CALY: variants seen among roughly 807,000 people sequenced by gnomAD.
The protein encoded by CALY is calcyon neuron specific vesicular protein.
CALY carries 15 observed loss-of-function variants against 20.2 expected under a neutral mutation model. That is an observed-to-expected ratio of 0.74 (90% CI 0.50 to 1.14). The LOEUF (loss-of-function observed/expected upper bound fraction) is 1.14, where lower values mean the gene tolerates loss of function less well. Ranked by LOEUF, CALY falls within the 50% of genes most tolerant of loss-of-function variation. CALY has a pLI of 0.00. For synonymous variants in CALY, 129 were observed against 131.8 expected (o/e 0.98, Z 0.15); for missense variants, 270 against 304.4 (o/e 0.89, Z 0.84).
chr10:133,336,775 C>A (rs941540632), intron 1 of CALY, 59 bp downstream of exon 1: 1 of 153,316 alleles, frequency 6.5e-6, no homozygotes, highest in South Asian at 1.9e-4. Context: ...GCGCCTCGCA[C>A]CCCCGCACCC....
intron 4 of CALY, 105 bp downstream of exon 4, chr10:133,326,773 G>T (rs1050188315): frequency 5.3e-5 from 37 of 702,680 alleles, no homozygotes; most frequent in Non-Finnish European, 8.0e-5. Context: ...TGGCTTTGGA[G>T]ACCACGTTCC....
At chr10:133,326,279 C>T (rs1848208562) in intron 4 of CALY, 159 bp from the exon 5 acceptor site, 1 of 1,550,398 alleles carries the variant, frequency 6.4e-7, no homozygotes, top group Non-Finnish European at 8.7e-7. Flanking sequence ...GAACTCAGGG[C>T]CCTGGAGGGG....
chr10:133,325,756 A>T, intron 5 of CALY, 43 bp downstream of exon 5: 1 of 901,692 alleles, frequency 1.1e-6, no homozygotes, highest in Non-Finnish European at 1.4e-6. Flanking sequence ...GGCCAGGAAG[A>T]GACCTGGGCA....
At chr10:133,332,239 C>A (rs534318922) in intron 1 of CALY, among the ~76,000 whole-genome samples, 1 of 152,164 alleles carries the variant, frequency 6.6e-6, no homozygotes, top group Non-Finnish European at 1.5e-5. Flanking sequence ...AAAAGTCCCA[C>A]GTGACACACT....
intron 1 of CALY, among the ~76,000 whole-genome samples, chr10:133,335,624 A>AC (rs944251546): frequency 7.9e-5 from 12 of 151,366 alleles, no homozygotes; most frequent in African/African-American, 1.7e-4. Flanking sequence ...GTGGGGTCCA[A>AC]CCCCCCCACC....
At chr10:133,336,671 C>T (rs1239498773) in intron 1 of CALY, among the ~76,000 whole-genome samples, 163 bp downstream of exon 1, 5 of 152,146 alleles carry the variant, frequency 3.3e-5, no homozygotes, top group Non-Finnish European at 7.4e-5. Flanking sequence ...CCCGCACACG[C>T]GCCTCGCACA....
In CALY at chr10:133,326,005, G is replaced by A. The variant is rs1322187336; in HGVS notation, c.476C>T (p.Thr159Met). 2 of 1,575,776 alleles carry A rather than the reference G, an allele frequency of 1.3e-6. No homozygotes were observed. The highest frequency in any genetic ancestry group is 3.6e-5 in the Admixed American group (2 of 55,216). The part of the protein sequence containing the change: ...GAYPLSRKHG[T>M]ETPAAWGDGY... Reference sequence around the variant, plus strand: ...GTCCCCCCAGGCCGCCGGCGTCTCCGTGCCGTGCTTGCGGCTCAGCGGGTA... The same window carrying A: ...GTCCCCCCAGGCCGCCGGCGTCTCCATGCCGTGCTTGCGGCTCAGCGGGTA... Residue 159 changes from threonine to methionine, a missense_variant, in exon 5 of 6, where the codon ACG becomes ATG. Transcript: ENST00000252939.
intron 1 of CALY, among the ~76,000 whole-genome samples, chr10:133,334,536 C>G (rs1447098345): frequency 5.0e-5 from 3 of 60,036 alleles, no homozygotes; most frequent in Non-Finnish European, 9.3e-5. Flanking sequence ...GGGGAAGGCT[C>G]TGAGGGGGGA....
At chr10:133,327,647 C>T (rs746366307) in intron 3 of CALY, 12 of 611,328 alleles carry the variant, frequency 2.0e-5, no homozygotes, top group South Asian at 3.8e-5. Flanking sequence ...GCAGCACTCG[C>T]GGGCACTTCC....
chr10:133,333,691 G>A lies in CALY; in HGVS notation c.-21+3143C>T, dbSNP rs112098721. ...AGATCTGAGAGTGGAAGGCTCTGAG[G>A]GGGAAAGAAAGATCTGAGAGTGGAA... On this transcript the variant is annotated intron_variant, in intron 1 of 5. Transcript: ENST00000252939. Among the ~76,000 whole-genome samples the A allele has an allele frequency of 4.7e-4, 18 of 38,188 alleles. 1 individual carries two copies. Among genetic ancestry groups the A allele is most frequent in the African/African-American group, 1.7e-3 (18 of 10,766 alleles). 25.1% of individuals were successfully genotyped at this position (38,188 alleles called of 152,430 possible).
intron 2 of CALY, among the ~76,000 whole-genome samples, chr10:133,328,551 G>T (rs1441993929): frequency 6.6e-6 from 1 of 152,242 alleles, no homozygotes; most frequent in Non-Finnish European, 1.5e-5. Flanking sequence ...GCCCCGAGGG[G>T]AAGGGTGGGA....
rs753114856 is a variant in CALY at position 133,328,796 on chromosome 10, A to C, written c.135+59T>G. ...GCCATATCTAGACAAACCTCACCCC[A>C]CACCCCTTTGTTCCCAGGGGAGCCT... On this transcript the variant is annotated intron_variant, in intron 2 of 5. Transcript: ENST00000252939. The C allele has an allele frequency of 7.3e-4, 1,085 of 1,485,694 alleles. 1 individual carries two copies. The highest frequency in any genetic ancestry group is 9.2e-4 in the Non-Finnish European group (1,027 of 1,113,964). The allele number at this position is 1,485,694 out of a possible 1,614,324, so 92.0% of individuals were successfully genotyped here.
chr10:133,332,968 A>G (rs1035174761), intron 1 of CALY, among the ~76,000 whole-genome samples: 2 of 152,070 alleles, frequency 1.3e-5, no homozygotes, highest in African/African-American at 4.8e-5. Context: ...TCTTGACTCC[A>G]GAACTGTGAA....
In CALY at chr10:133,327,858, C is replaced by T. The variant is rs778131525; in HGVS notation, c.246+47G>A. 14 of 1,306,754 alleles carry T rather than the reference C, an allele frequency of 1.1e-5. No homozygotes were observed. The African/African-American group carries it at 1.9e-4, about 18-fold the overall frequency. 80.9% of individuals were successfully genotyped at this position (1,306,754 alleles called of 1,614,324 possible). A position where few individuals can be genotyped will look rare whatever the true frequency, so the allele number is the denominator to read the frequency against. ...GGCACCCCCAGCTGCCTTCCACCTT[C>T]TCCTCCTGTCCTGAGTCCCCACAGT... On this transcript the variant is annotated intron_variant, in intron 3 of 5. Coordinates refer to ENST00000252939, the MANE Select transcript of CALY (RefSeq NM_015722.4).
intron 1 of CALY, among the ~76,000 whole-genome samples, chr10:133,329,392 C>CTTTTTTTTT (rs112012967): frequency 8.7e-5 from 12 of 137,446 alleles, no homozygotes; most frequent in African/African-American, 3.2e-4. Flanking sequence ...TCTTCTTCTT[C>CTTTTTTTTT]TTTTTTTTTT....
In CALY at chr10:133,327,906, C is replaced by A. The variant is rs763945326; in HGVS notation, c.245G>T (p.Arg82Met). Residue 82 changes from arginine (R) to methionine (M), a missense_variant and splice_region_variant, in exon 3 of 6, where the codon AGG becomes ATG. Transcript: ENST00000252939. Reference protein sequence around the residue: ...LNCSHPEEGRRLPTARMIAFA... With the variant: ...LNCSHPEEGRMLPTARMIAFA... ...AGTGGGTGGGGTGGGTGTGGTTACC[C>A]TGCGCCCTTCCTCTGGGTGGCTGCA... The A allele has an allele frequency of 1.9e-6, 3 of 1,606,568 alleles. No individual in the cohort carries two copies. The South Asian group carries it at 3.3e-5, about 18-fold the overall frequency.
At chr10:133,332,533 A>G (rs899633326) in intron 1 of CALY, among the ~76,000 whole-genome samples, 2 of 152,256 alleles carry the variant, frequency 1.3e-5, no homozygotes, top group Non-Finnish European at 2.9e-5. Context: ...ACTTCTGCTT[A>G]TCAAAACAGC....
Position 133,333,594 on chromosome 10 carries a change from G to A in CALY, c.-21+3240C>T, listed in dbSNP as rs531333460. On this transcript the variant is annotated intron_variant, in intron 1 of 5. Transcript: ENST00000252939. ...GGTAGGATCCCAGGTGGGAAGGGTC[G>A]GAGAGCGGAGGTATCTGAGAGGGAG... Among the ~76,000 whole-genome samples the A allele has an allele frequency of 7.3e-5, 11 of 151,520 alleles. No homozygotes were observed. In the East Asian group the frequency reaches 1.4e-3, roughly 19 times the overall value.
At chr10:133,330,228 CT>C (rs1208873909) in intron 1 of CALY, among the ~76,000 whole-genome samples, 1 of 152,120 alleles carries the variant, frequency 6.6e-6, no homozygotes, top group Non-Finnish European at 1.5e-5. Context: ...ATGGCGGCGC[CT>C]GTGGTCCCAG....
Sources: allele counts gnomAD v4.1 joint callset (sites outside exome capture counted in the v4.1 genomes callset), GRCh38; gene constraint gnomAD v4.1.1; transcripts MANE v1.5; gene names NCBI Gene and HGNC (gene_info 2026-07-23, HGNC 2026-07-21).